WDR70: variants seen among roughly 807,000 people sequenced by gnomAD.
WDR70 encodes the protein WD repeat-containing protein 70.
WDR70 carries 53 observed loss-of-function variants against 88.6 expected under a neutral mutation model. The ratio of observed to expected loss-of-function variants is 0.60; its 90% CI spans 0.48 to 0.75. WDR70 has a LOEUF of 0.75. Ranked by LOEUF, WDR70 falls within the 30% of genes least tolerant of loss-of-function variation. WDR70 has a pLI of 0.00. For synonymous variants in WDR70, 280 were observed against 270.0 expected (o/e 1.04, Z -0.36); for missense variants, 610 against 823.2 (o/e 0.74, Z 3.17).
Position 37,402,944 on chromosome 5 carries a change from G to GTTTTTT in WDR70, c.492+6389_492+6394dup, listed in dbSNP as rs5867348. On this transcript the variant is annotated intron_variant, in intron 5 of 17. Coordinates refer to ENST00000265107, the MANE Select transcript of WDR70 (RefSeq NM_018034.4). ...TTTCCCTCCTTCCCTCCCTCCCTCCGTTTTTTTTTTTTTTTTTTTTGAGTC... is the reference window on the plus strand; with the variant it reads ...TTTCCCTCCTTCCCTCCCTCCCTCCGTTTTTTTTTTTTTTTTTTTTTTTTTTGAGTC... Among the ~76,000 whole-genome samples, 447 of 84,348 alleles carry GTTTTTT rather than the reference G, an allele frequency of 5.3e-3. 29 individuals carry two copies. Among genetic ancestry groups the GTTTTTT allele is most frequent in the African/African-American group, 8.9e-3 (174 of 19,472 alleles). The allele number at this position is 84,348 out of a possible 152,430, so 55.3% of individuals were successfully genotyped here. A position where few individuals can be genotyped will look rare whatever the true frequency, so the allele number is the denominator to read the frequency against.
chr5:37,752,369 T>C (rs1748839169), intron 17 of WDR70, 117 bp from the exon 18 acceptor site: 1 of 651,120 alleles, frequency 1.5e-6, no homozygotes, highest in African/African-American at 1.8e-5. Flanking sequence ...TTATATTTAA[T>C]AATTGAGTTG....
rs544680345 is a variant in WDR70, at chr5:37,419,325, C to T, written c.493-18597C>T. Among the ~76,000 whole-genome samples the T allele has an allele frequency of 2.0e-5, 3 of 151,668 alleles. No homozygotes were observed. In the South Asian group the frequency reaches 6.3e-4, roughly 32 times the overall value. ...GGTTCAAGCGATTCTCCTGCCTCAG[C>T]CTCCTGAGTAGCTGGGTTTATAGGC... On this transcript the variant is annotated intron_variant, in intron 5 of 17. Transcript: ENST00000265107.
In WDR70 at chr5:37,379,329, G is replaced by A; in HGVS notation, c.-39G>A. The A allele has an allele frequency of 6.2e-7, 1 of 1,613,038 alleles. No homozygotes were observed. The highest frequency in any genetic ancestry group is 8.5e-7 in the Non-Finnish European group (1 of 1,179,552). On this transcript the variant is annotated 5_prime_UTR_variant, in exon 1 of 18. Transcript: ENST00000265107. ...TGGCAAGTTCCCCTGCAGTTGTTTGGGCTGTCCCTGTGGCTGGTTCTGGGG... is the reference window on the plus strand; with the variant it reads ...TGGCAAGTTCCCCTGCAGTTGTTTGAGCTGTCCCTGTGGCTGGTTCTGGGG...
chr5:37,466,758 A>G (rs1345194774), intron 7 of WDR70, among the ~76,000 whole-genome samples: 1 of 150,994 alleles, frequency 6.6e-6, no homozygotes, highest in African/African-American at 2.4e-5. Context: ...TAGTTGCACT[A>G]GCCGTATTTC....
chr5:37,460,565 A>G (rs2112101610), intron 7 of WDR70, among the ~76,000 whole-genome samples: 1 of 65,422 alleles, frequency 1.5e-5, no homozygotes, highest in African/African-American at 4.1e-5. Flanking sequence ...GGGGAGGGAT[A>G]GCATTGGGAG....
Position 37,518,206 on chromosome 5 carries a change from C to T in WDR70, c.917+1616C>T, listed in dbSNP as rs373445499. Among the ~76,000 whole-genome samples the T allele has an allele frequency of 1.5e-4, 23 of 152,176 alleles. No homozygotes were observed. In the East Asian group the frequency reaches 2.3e-3, roughly 15 times the overall value. On this transcript the variant is annotated intron_variant, in intron 9 of 17. Transcript: ENST00000265107. ...CTGGGATTATAGACATGAGCCACTG[C>T]GCCCAGCCTCTTTTAGTTATTTTAA...
Position 37,563,517 on chromosome 5 carries a change from C to G in WDR70, c.918-41547C>G, listed in dbSNP as rs1362621139. On this transcript the variant is annotated intron_variant, in intron 9 of 17. Coordinates refer to ENST00000265107, the MANE Select transcript of WDR70 (RefSeq NM_018034.4). Reference sequence around the variant, plus strand: ...AGTAGGGGCGGCCGGGCAGAGGCGCCCCTCACCTCCCGGATGGGGCGGCTG... The same window carrying G: ...AGTAGGGGCGGCCGGGCAGAGGCGCGCCTCACCTCCCGGATGGGGCGGCTG... Among the ~76,000 whole-genome samples the G allele has an allele frequency of 3.1e-5, 2 of 63,734 alleles. 1 individual carries two copies. The highest frequency in any genetic ancestry group is 7.9e-5 in the Non-Finnish European group (2 of 25,466). The allele number at this position is 63,734 out of a possible 152,430, so 41.8% of individuals were successfully genotyped here.
rs1225063635 is a variant in WDR70, at chr5:37,721,317, C to T, written c.1517+102C>T. The T allele has an allele frequency of 3.9e-6, 4 of 1,021,144 alleles. No individual in the cohort carries two copies. In the Admixed American group the frequency reaches 8.4e-5, roughly 22 times the overall value. The allele number at this position is 1,021,144 out of a possible 1,614,324, so 63.3% of individuals were successfully genotyped here. A position where few individuals can be genotyped will look rare whatever the true frequency, so the allele number is the denominator to read the frequency against. ...ATTTATTTCCCACTTTGATGGAGATCCACCCATTTAGAAAATGCAGCTGGA... is the reference window on the plus strand; with the variant it reads ...ATTTATTTCCCACTTTGATGGAGATTCACCCATTTAGAAAATGCAGCTGGA... On this transcript the variant is annotated intron_variant, in intron 14 of 17. Transcript: ENST00000265107.
At chr5:37,557,390 G>A (rs1056211458) in intron 9 of WDR70, among the ~76,000 whole-genome samples, 3 of 152,122 alleles carry the variant, frequency 2.0e-5, no homozygotes, top group Non-Finnish European at 2.9e-5. Context: ...ATTTTTACTA[G>A]AGACTTTGTG....
chr5:37,563,854 C>T (rs1330488105), intron 9 of WDR70, among the ~76,000 whole-genome samples: 6 of 120,854 alleles, frequency 5.0e-5, no homozygotes, highest in Admixed American at 8.7e-5. Flanking sequence ...TCAGATGGGG[C>T]GGTTGCCAGG....
intron 10 of WDR70, among the ~76,000 whole-genome samples, chr5:37,624,573 C>G (rs1420546095): frequency 6.6e-6 from 1 of 152,020 alleles, no homozygotes; most frequent in Non-Finnish European, 1.5e-5. Flanking sequence ...GGAGAGCTTT[C>G]CCTTGGTCCC....
At chr5:37,579,948 G>A (rs1183502759) in intron 9 of WDR70, among the ~76,000 whole-genome samples, 1 of 151,884 alleles carries the variant, frequency 6.6e-6, no homozygotes, top group East Asian at 1.9e-4. Flanking sequence ...AAAATTATTG[G>A]GTTCTATTCT....
chr5:37,722,589 A>C, intron 14 of WDR70: 1 of 422,882 alleles, frequency 2.4e-6, no homozygotes, highest in East Asian at 4.1e-5. Context: ...TTATTCCTAT[A>C]GGTTTTGTAA....
intron 7 of WDR70, among the ~76,000 whole-genome samples, chr5:37,471,827 A>C (rs192504280): frequency 1.3e-5 from 2 of 152,082 alleles, no homozygotes; most frequent in East Asian, 3.9e-4. Context: ...TACAATGTCA[A>C]ATTGACTCCG....
intron 10 of WDR70, among the ~76,000 whole-genome samples, chr5:37,660,510 TA>T (rs901130764): frequency 2.6e-5 from 4 of 152,056 alleles, no homozygotes; most frequent in African/African-American, 7.2e-5. Context: ...TTTAGCATTA[TA>T]TTTTTTTGCT....
At chr5:37,691,040 C>A (rs1421050375) in intron 10 of WDR70, among the ~76,000 whole-genome samples, 1 of 151,930 alleles carries the variant, frequency 6.6e-6, no homozygotes, top group African/African-American at 2.4e-5. Flanking sequence ...ATCTACCAAG[C>A]AAATGGAAAA....
intron 3 of WDR70, among the ~76,000 whole-genome samples, chr5:37,389,346 G>A (rs904341387): frequency 6.0e-5 from 9 of 150,140 alleles, no homozygotes; most frequent in African/African-American, 1.5e-4. Context: ...CACCCGCCTC[G>A]GCCTCTCAAA....
chr5:37,645,108 T>C (rs901727375), intron 10 of WDR70, among the ~76,000 whole-genome samples: 2 of 151,972 alleles, frequency 1.3e-5, no homozygotes, highest in Non-Finnish European at 2.9e-5. Context: ...TGTAAGTGCT[T>C]ATAGCTATAA....
intron 10 of WDR70, among the ~76,000 whole-genome samples, chr5:37,676,799 A>G (rs1209432648): frequency 6.6e-6 from 1 of 151,676 alleles, no homozygotes; most frequent in African/African-American, 2.4e-5. Context: ...GAATAGTTTC[A>G]GAAGGAATGG....
Sources: gnomAD v4.1 joint callset for allele counts (sites outside exome capture counted in the v4.1 genomes callset) on GRCh38, gnomAD v4.1.1 for gene constraint, MANE v1.5 for transcripts, NCBI Gene and HGNC (gene_info 2026-07-23, HGNC 2026-07-21) for gene names.